PDE1A: variants seen among roughly 807,000 people sequenced by gnomAD.
PDE1A encodes the protein phosphodiesterase 1A.
In PDE1A, 35 loss-of-function variants were observed where a neutral mutation model predicts 61.7. That is an observed-to-expected ratio of 0.57 (90% CI 0.43 to 0.75). PDE1A has a LOEUF of 0.75. PDE1A is among the 30% of genes least tolerant of loss of function. PDE1A has a pLI of 0.00. For missense variants in PDE1A, 597 were observed against 630.6 expected (o/e 0.95, Z 0.57); for synonymous variants, 232 against 213.2 (o/e 1.09, Z -0.77).
At chr2:182,702,125 G>A in the PDE1A span, among the ~76,000 whole-genome samples, 1 of 152,066 alleles carries the variant, frequency 6.6e-6, no homozygotes, top group Non-Finnish European at 1.5e-5. Context: ...TGATTTTTGA[G>A]TGGAGTCTCA....
upstream of PDE1A, among the ~76,000 whole-genome samples, chr2:182,527,364 A>T (rs1292120586): frequency 9.4e-6 from 1 of 106,274 alleles, no homozygotes; most frequent in African/African-American, 3.8e-5. Context: ...ATATATATAT[A>T]TATATATATA....
upstream of PDE1A, among the ~76,000 whole-genome samples, chr2:182,429,001 A>C (rs1478206054): frequency 1.3e-5 from 2 of 152,098 alleles, no homozygotes; most frequent in Non-Finnish European, 2.9e-5. Context: ...TACCAGCTGA[A>C]GAATCTGAAA....
At chr2:182,671,361 T>TTTTTTTTTTTTC in the PDE1A span, among the ~76,000 whole-genome samples, 2 of 114,204 alleles carry the variant, frequency 1.8e-5, no homozygotes, top group African/African-American at 3.1e-5. Flanking sequence ...TTTTTTTTTT[T>TTTTTTTTTTTTC]GTATTTTTAG....
chr2:182,401,672 C>T (rs1005151304), intron 1 of PDE1A, among the ~76,000 whole-genome samples: 3 of 152,098 alleles, frequency 2.0e-5, no homozygotes, highest in African/African-American at 7.2e-5. Flanking sequence ...AAAGTTCTGG[C>T]CAGGGCAATC....
intron 3 of PDE1A, 54 bp downstream of exon 3, chr2:182,240,056 G>GT: frequency 6.8e-7 from 1 of 1,475,512 alleles, no homozygotes; most frequent in Non-Finnish European, 9.3e-7. Flanking sequence ...AAAAATGAAT[G>GT]TATCTGCTGC....
chr2:182,672,403 T>C, the PDE1A span, among the ~76,000 whole-genome samples: 3 of 152,248 alleles, frequency 2.0e-5, no homozygotes, highest in Non-Finnish European at 4.4e-5. Context: ...TGAGATATCA[T>C]GAATTTGGAC....
chr2:182,441,356 A>C (rs1684780582), intron 2 of PDE1A, among the ~76,000 whole-genome samples: 1 of 151,880 alleles, frequency 6.6e-6, no homozygotes, highest in Non-Finnish European at 1.5e-5. Flanking sequence ...TAATCATTTT[A>C]TATGTATAAA....
chr2:182,392,394 C>G (rs937637765), intron 1 of PDE1A, among the ~76,000 whole-genome samples: 1 of 152,158 alleles, frequency 6.6e-6, no homozygotes, highest in Admixed American at 6.5e-5. Context: ...CCTCCCACCA[C>G]GTCCCTCCCA....
chr2:182,512,494 C>T (rs1689866954), intron 2 of PDE1A, among the ~76,000 whole-genome samples: 1 of 152,164 alleles, frequency 6.6e-6, no homozygotes, highest in Non-Finnish European at 1.5e-5. Flanking sequence ...CATCAGCTTA[C>T]ACAGATAAGA....
At chr2:182,250,163 T>C (rs16822963) in intron 2 of PDE1A, among the ~76,000 whole-genome samples, 145 of 152,324 alleles carry the variant, frequency 9.5e-4, no homozygotes, top group African/African-American at 3.3e-3. Flanking sequence ...GTAATCATTT[T>C]CTCTATCTCC....
chr2:182,554,364 T>C, the PDE1A span, among the ~76,000 whole-genome samples: 2 of 152,234 alleles, frequency 1.3e-5, no homozygotes, highest in African/African-American at 4.8e-5. Context: ...CTTACTGATA[T>C]AAACATAGAA....
At chr2:182,167,864 T>C, downstream of PDE1A, 1 of 1,018,860 alleles carries the variant, frequency 9.8e-7, no homozygotes, top group Non-Finnish European at 1.2e-6. Flanking sequence ...TTTTTGACGT[T>C]TAGAAAAGGG....
intron 1 of PDE1A, among the ~76,000 whole-genome samples, chr2:182,286,569 C>T (rs75243636): frequency 6.6e-6 from 1 of 152,096 alleles, no homozygotes; most frequent in Non-Finnish European, 1.5e-5. Flanking sequence ...GATTTCGGAC[C>T]TAAGCTCTTT....
chr2:182,192,920 TTTG>T (rs904688934), intron 10 of PDE1A, among the ~76,000 whole-genome samples: 16 of 152,118 alleles, frequency 1.1e-4, no homozygotes, highest in Admixed American at 3.3e-4. Context: ...ACAGCACCTT[TTTG>T]TTGTTGTTGT....
intron 2 of PDE1A, among the ~76,000 whole-genome samples, chr2:182,448,361 AT>A (rs1225677381): frequency 6.6e-6 from 1 of 151,950 alleles, no homozygotes; most frequent in Non-Finnish European, 1.5e-5. Flanking sequence ...TTGAAAGCAG[AT>A]TTTAAAGACT....
chr2:182,426,561 G>C lies in PDE1A; in HGVS notation c.53+17C>G. On this transcript the variant is annotated intron_variant, in intron 1 of 13. Transcript: ENST00000351439. ...TCCTGACAGCCCTAGAGCCACCTGC[G>C]ATGTAGCATTACTTACCTAAAGATG... 1.3e-6 allele frequency: 2 copies of C among 1,540,662 alleles called. No homozygotes were observed. Among genetic ancestry groups the C allele is most frequent in the Non-Finnish European group, 1.8e-6 (2 of 1,114,374 alleles).
the PDE1A span, among the ~76,000 whole-genome samples, chr2:182,583,431 C>G: frequency 6.6e-6 from 1 of 152,204 alleles, no homozygotes; most frequent in Non-Finnish European, 1.5e-5. Context: ...ATGCCTTTCT[C>G]AAGGAGCTGG....
the PDE1A span, among the ~76,000 whole-genome samples, chr2:182,649,070 G>A: frequency 1.3e-5 from 2 of 152,160 alleles, no homozygotes; most frequent in African/African-American, 4.8e-5. Flanking sequence ...GTGGCAGCAG[G>A]TAGCAGGCCC....
At chr2:182,392,440 T>G (rs1268842190) in intron 1 of PDE1A, among the ~76,000 whole-genome samples, 1 of 152,244 alleles carries the variant, frequency 6.6e-6, no homozygotes, top group East Asian at 1.9e-4. Flanking sequence ...ATATTCAAGA[T>G]GAGATGTTGG....
Sources: gnomAD v4.1 joint callset for allele counts (sites outside exome capture counted in the v4.1 genomes callset) on GRCh38, gnomAD v4.1.1 for gene constraint, MANE v1.5 for transcripts, NCBI Gene and HGNC (gene_info 2026-07-23, HGNC 2026-07-21) for gene names.